The following MED13L variants were observed in gnomAD, a reference collection of about 807,000 sequenced individuals.
The protein encoded by MED13L is mediator of RNA polymerase II transcription subunit 13-like.
In MED13L, 7 loss-of-function variants were observed where a neutral mutation model predicts 220.9. The observed-to-expected ratio is 0.03, with a 90% confidence interval of 0.02 to 0.06. The LOEUF (loss-of-function observed/expected upper bound fraction) is 0.06. MED13L is among the 10% of genes least tolerant of loss of function. MED13L has a pLI of 1.00. For missense variants in MED13L, 1,965 were observed against 2,760.5 expected (o/e 0.71, Z 6.46); for synonymous variants, 1,011 against 1,015.2 (o/e 1.00, Z 0.08).
intron 4 of MED13L, among the ~76,000 whole-genome samples, chr12:116,067,538 CT>C (rs1870042031): frequency 6.6e-6 from 1 of 152,152 alleles, no homozygotes; most frequent in Admixed American, 6.5e-5. Context: ...CTCATCTCCC[CT>C]ATTACATTTA....
chr12:116,089,503 T>C (rs954304004), intron 4 of MED13L, among the ~76,000 whole-genome samples: 2 of 152,204 alleles, frequency 1.3e-5, no homozygotes, highest in African/African-American at 4.8e-5. Flanking sequence ...CTTTTAGGAT[T>C]AGTAATAGAG....
chr12:116,176,533 G>A (rs1472176069), intron 2 of MED13L, among the ~76,000 whole-genome samples: 1 of 152,126 alleles, frequency 6.6e-6, no homozygotes, highest in Non-Finnish European at 1.5e-5. Flanking sequence ...AACTGGCCTT[G>A]GACAGGGCCT....
intron 13 of MED13L, among the ~76,000 whole-genome samples, chr12:116,005,286 AT>A (rs1225332849): frequency 2.0e-5 from 3 of 152,164 alleles, no homozygotes; most frequent in Admixed American, 1.3e-4. Context: ...GAGGACACAC[AT>A]TTCCTGACTC....
At chr12:116,024,933 G>A (rs1880299994) in intron 4 of MED13L, among the ~76,000 whole-genome samples, 1 of 151,948 alleles carries the variant, frequency 6.6e-6, no homozygotes, top group African/African-American at 2.4e-5. Context: ...TCAAGTGTCT[G>A]TTGATAAGAG....
At chr12:116,197,782 G>GAA (rs397964346) in intron 2 of MED13L, among the ~76,000 whole-genome samples, 3 of 141,038 alleles carry the variant, frequency 2.1e-5, no homozygotes, top group Non-Finnish European at 4.7e-5. Context: ...AGAAAAAAAG[G>GAA]AAAAAAAAAA....
At chr12:116,208,900 T>A (rs1328745411) in intron 2 of MED13L, among the ~76,000 whole-genome samples, 1 of 152,072 alleles carries the variant, frequency 6.6e-6, no homozygotes, top group East Asian at 1.9e-4. Flanking sequence ...GCCCCAGAGT[T>A]TGAGGTGTCA....
chr12:116,201,291 T>C (rs961224608), intron 2 of MED13L, among the ~76,000 whole-genome samples: 1 of 152,186 alleles, frequency 6.6e-6, no homozygotes, highest in African/African-American at 2.4e-5. Context: ...TAAGCCTATG[T>C]ACTGTAATAC....
At chr12:116,093,650 A>G (rs1268136593) in intron 4 of MED13L, among the ~76,000 whole-genome samples, 1 of 152,028 alleles carries the variant, frequency 6.6e-6, no homozygotes, top group African/African-American at 2.4e-5. Flanking sequence ...ACTAATAATC[A>G]GTAATGCTAG....
chr12:116,247,431 T>C (rs907748310), intron 1 of MED13L, among the ~76,000 whole-genome samples: 3 of 152,216 alleles, frequency 2.0e-5, no homozygotes, highest in African/African-American at 4.8e-5. Context: ...TAACGTGTTG[T>C]TGTTGACTGT....
intron 2 of MED13L, chr12:116,174,425 T>C (rs1317767819): frequency 6.6e-6 from 1 of 151,324 alleles, no homozygotes; most frequent in African/African-American, 2.4e-5. Context: ...ATTTTCTATG[T>C]AAAAGCTAGA....
At chr12:116,237,433 G>A (rs1326320563) in intron 2 of MED13L, 35 bp downstream of exon 2, 4 of 1,472,398 alleles carry the variant, frequency 2.7e-6, no homozygotes, top group Non-Finnish European at 3.8e-6. Flanking sequence ...AAAATATGAT[G>A]CAAATAATTT....
chr12:116,012,965 G>A (rs775744111), intron 8 of MED13L, 64 bp from the exon 9 acceptor site: 22 of 1,178,112 alleles, frequency 1.9e-5, no homozygotes, highest in Non-Finnish European at 2.7e-5. Flanking sequence ...GGAGAAAAAT[G>A]TTCAAGAGTT....
At chr12:116,036,665 T>C (rs1318187490) in intron 4 of MED13L, among the ~76,000 whole-genome samples, 1 of 152,210 alleles carries the variant, frequency 6.6e-6, no homozygotes, top group Non-Finnish European at 1.5e-5. Context: ...ATTTTCAAAG[T>C]TGCCATTAAT....
At chr12:116,185,757 C>A (rs79532769) in intron 2 of MED13L, among the ~76,000 whole-genome samples, 10,544 of 151,600 alleles carry the variant, frequency 0.07, 488 homozygotes, top group African/African-American at 0.13. Flanking sequence ...AGTGCAGTGG[C>A]GCAATCTAGG....
intron 4 of MED13L, among the ~76,000 whole-genome samples, chr12:116,033,237 G>A (rs1176510369): frequency 5.9e-5 from 9 of 152,042 alleles, no homozygotes; most frequent in Admixed American, 5.2e-4. Context: ...ATAAAACTAA[G>A]TAAAACAAAT....
At chr12:116,034,262 A>G (rs1200118643) in intron 4 of MED13L, among the ~76,000 whole-genome samples, 4 of 152,130 alleles carry the variant, frequency 2.6e-5, no homozygotes, top group Non-Finnish European at 5.9e-5. Flanking sequence ...CCCAGTACTT[A>G]GTATGGTGCT....
chr12:115,997,996 T>C (rs1878513801), intron 14 of MED13L, among the ~76,000 whole-genome samples: 1 of 152,132 alleles, frequency 6.6e-6, no homozygotes, highest in Admixed American at 6.5e-5. Context: ...CACTTACAGC[T>C]GCTCTTTTGG....
At chr12:115,981,726 T>G (rs1394287794) in intron 22 of MED13L, among the ~76,000 whole-genome samples, 3 of 152,226 alleles carry the variant, frequency 2.0e-5, no homozygotes, top group Non-Finnish European at 4.4e-5. Context: ...ATGGAAAATA[T>G]GCAGTCATTA....
intron 4 of MED13L, among the ~76,000 whole-genome samples, chr12:116,037,928 T>C (rs555443304): frequency 4.6e-5 from 7 of 152,256 alleles, no homozygotes; most frequent in African/African-American, 1.4e-4. Context: ...TAGTCAGTGA[T>C]GCGTGCTTGA....
Sources: gnomAD v4.1 joint callset for allele counts (sites outside exome capture counted in the v4.1 genomes callset) on GRCh38, gnomAD v4.1.1 for gene constraint, MANE v1.5 for transcripts, NCBI Gene and HGNC (gene_info 2026-07-23, HGNC 2026-07-21) for gene names.